TRPM2: variants seen among roughly 807,000 people sequenced by gnomAD.
TRPM2 encodes transient receptor potential cation channel subfamily M member 2.
A neutral mutation model predicts 174.0 loss-of-function variants in TRPM2; 161 were observed. The ratio of observed to expected loss-of-function variants is 0.93; its 90% CI spans 0.81 to 1.05. The LOEUF is 1.05. Among genes scored for constraint, TRPM2 ranks in the 50% least tolerant of loss-of-function variants. The pLI is 0.00. For synonymous variants in TRPM2, 954 were observed against 861.3 expected (o/e 1.11, Z -1.88); for missense variants, 2,057 against 2,038.0 (o/e 1.01, Z -0.18).
chr21:44,382,809 C>T lies in TRPM2; in HGVS notation c.1307C>T (p.Ala436Val), dbSNP rs781109743. 6.8e-6 allele frequency: 11 copies of T among 1,613,126 alleles called. No homozygotes were observed. The highest frequency in any genetic ancestry group is 9.3e-6 in the Non-Finnish European group (11 of 1,179,772). Residue 436 changes from alanine (A) to valine (V), a missense_variant, in exon 9 of 32, where the codon GCC becomes GTC. Transcript: ENST00000397928. ...QQDVDVAILQ[A>V]LLKASRSQDH... ...GACGTGGATGTGGCCATCTTGCAGG[C>T]CTTGCTGAAAGGTGAGGGTCAGGGA...
At chr21:44,407,746 G>T (rs566904160) in intron 19 of TRPM2, among the ~76,000 whole-genome samples, 2 of 151,676 alleles carry the variant, frequency 1.3e-5, no homozygotes, top group Non-Finnish European at 2.9e-5. Context: ...TTCAAGGTTT[G>T]TCACCGTGTA....
At chr21:44,378,883 C>T (rs1306933648) in intron 7 of TRPM2, 114 bp from the exon 8 acceptor site, 13 of 1,147,336 alleles carry the variant, frequency 1.1e-5, no homozygotes, top group East Asian at 2.4e-5. Flanking sequence ...CAGTGGATCT[C>T]GGAGTAGTGT....
chr21:44,437,756 C>T (rs368539722), intron 29 of TRPM2, among the ~76,000 whole-genome samples: 209 of 152,346 alleles, frequency 1.4e-3, no homozygotes, highest in African/African-American at 4.9e-3. Context: ...TGGGCCTTTC[C>T]TGTTCAAGTG....
intron 24 of TRPM2, 169 bp from the exon 25 acceptor site, chr21:44,425,501 G>T: frequency 1.4e-6 from 1 of 738,348 alleles, no homozygotes; most frequent in East Asian, 3.2e-5. Context: ...CCTCCCTGGG[G>T]GCCCTGCCCA....
At chr21:44,404,903 T>G (rs903617646) in intron 16 of TRPM2, among the ~76,000 whole-genome samples, 42 of 123,490 alleles carry the variant, frequency 3.4e-4, no homozygotes, top group African/African-American at 9.9e-4. Flanking sequence ...ACAGTGATGG[T>G]GACAGCAAGG....
Position 44,414,143 on chromosome 21 carries a change from G to T in TRPM2, c.3146+69G>T. On this transcript the variant is annotated intron_variant, in intron 20 of 31. Coordinates refer to ENST00000397928, the MANE Select transcript of TRPM2 (RefSeq NM_003307.4). ...GGCGTTCCTGGGCCGCAGTGGCCAT[G>T]CTGTCTCCAGGGTCTCGTGGACAGT... is the stretch of plus-strand genomic sequence containing the variant. 1.9e-6 allele frequency: 3 copies of T among 1,544,200 alleles called. No individual in the cohort carries two copies. The East Asian group carries it at 6.8e-5, about 35-fold the overall frequency.
chr21:44,358,594 A>G (rs1310175387), intron 2 of TRPM2, among the ~76,000 whole-genome samples: 2 of 152,206 alleles, frequency 1.3e-5, no homozygotes. Flanking sequence ...TCAAGTTCCA[A>G]TCTCATCAGA....
In TRPM2 at chr21:44,366,942, G is replaced by C. The variant is rs766227028; in HGVS notation, c.604+8G>C. 40 of 1,568,736 alleles carry C rather than the reference G, an allele frequency of 2.5e-5. No individual in the cohort carries two copies. Among genetic ancestry groups the C allele is most frequent in the Middle Eastern group, 1.7e-4 (1 of 5,824 alleles). ...AGGTGGCTCAGACCACAGGTAACTC[G>C]GAGGCTGGAGGGACACGAGGCCCCG... On this transcript the variant is annotated splice_region_variant and intron_variant, in intron 4 of 31. Transcript: ENST00000397928. The surrounding 1 kb of genome is among the most constrained non-coding windows in gnomAD (Gnocchi z 6.0).
At chr21:44,405,052 A>G (rs191536554) in intron 16 of TRPM2, 90 bp from the exon 17 acceptor site, 20 of 1,562,032 alleles carry the variant, frequency 1.3e-5, no homozygotes, top group African/African-American at 2.7e-5. Flanking sequence ...AGTGACTGTG[A>G]TGATGATAGT....
At chr21:44,423,778 C>T in intron 23 of TRPM2, 46 bp downstream of exon 23, 2 of 1,500,414 alleles carry the variant, frequency 1.3e-6, no homozygotes, top group Admixed American at 1.9e-5. Context: ...CACTGCTGGG[C>T]CTGGTGGGCG....
chr21:44,417,383 CGTGGGCGT>C (rs2050335991), intron 20 of TRPM2, among the ~76,000 whole-genome samples: 1 of 89,218 alleles, frequency 1.1e-5, no homozygotes, highest in Non-Finnish European at 2.3e-5. Context: ...ACAGTGGGCA[CGTGGGCGT>C]GGCTCTGCTC....
At chr21:44,385,770 G>A (rs997859562) in intron 9 of TRPM2, among the ~76,000 whole-genome samples, 1 of 152,176 alleles carries the variant, frequency 6.6e-6, no homozygotes, top group African/African-American at 2.4e-5. Context: ...GGGGAAGAAA[G>A]GCACTGTCTT....
At chr21:44,356,774 T>C (rs1321511932) in intron 2 of TRPM2, among the ~76,000 whole-genome samples, 1 of 152,114 alleles carries the variant, frequency 6.6e-6, no homozygotes, top group Non-Finnish European at 1.5e-5. Context: ...TTTTGGATCA[T>C]GTGCTTAACA....
At position 44,399,869 on chromosome 21, in the gene TRPM2, G is replaced by A. The variant is rs2049555785; in HGVS notation, c.2209-390G>A. Among the ~76,000 whole-genome samples, 1 of 152,188 alleles carries A rather than the reference G, an allele frequency of 6.6e-6. No homozygotes were observed. The highest frequency in any genetic ancestry group is 6.5e-5 in the Admixed American group (1 of 15,278). On this transcript the variant is annotated intron_variant, in intron 14 of 31. Transcript: ENST00000397928. This position sits in a 1 kb window ranked among gnomAD's most constrained non-coding sequence, Gnocchi z 4.6. Reference sequence around the variant, plus strand: ...CCCGGCAGGGCCTGGCTCCCAGCGAGTGCCCCTTGCACGCTGGGCTTCCTT... The same window carrying A: ...CCCGGCAGGGCCTGGCTCCCAGCGAATGCCCCTTGCACGCTGGGCTTCCTT...
rs1222458906 is a variant in TRPM2, at chr21:44,435,151, G to A, written c.3995G>A (p.Gly1332Glu). The A allele has an allele frequency of 6.2e-7, 1 of 1,613,300 alleles. No individual in the cohort carries two copies. Among genetic ancestry groups the A allele is most frequent in the East Asian group, 2.2e-5 (1 of 44,902 alleles). ...CCCAGGAACCCCATGGGCCGCACAG[G>A]ACTGCGTGGGCGCGGGAGCCTCAGC... ...GLPLNPMGRT[G>E]LRGRGSLSCF... Residue 1332 changes from glycine to glutamate, a missense_variant, in exon 28 of 32, where the codon GGA becomes GAA. Physicochemically the swap from Gly to Glu is moderately conservative, Grantham distance 98. Coordinates refer to ENST00000397928, the MANE Select transcript of TRPM2 (RefSeq NM_003307.4).
At chr21:44,408,605 C>T (rs1403786554) in intron 19 of TRPM2, among the ~76,000 whole-genome samples, 2 of 151,294 alleles carry the variant, frequency 1.3e-5, no homozygotes, top group South Asian at 2.1e-4. Context: ...CTGCTAACCT[C>T]GTCGTCTGTA....
chr21:44,433,402 T>G (rs2051104418), intron 27 of TRPM2, among the ~76,000 whole-genome samples: 1 of 152,218 alleles, frequency 6.6e-6, no homozygotes, highest in Non-Finnish European at 1.5e-5. Flanking sequence ...GACCTCTGCC[T>G]TCCTCTCCTT....
intron 12 of TRPM2, among the ~76,000 whole-genome samples, chr21:44,396,309 G>A (rs2049394252): frequency 2.7e-5 from 1 of 37,048 alleles, no homozygotes; most frequent in Non-Finnish European, 5.2e-5. Context: ...TGGAGGCTGT[G>A]GAGGGGTGTG....
At chr21:44,398,910 C>T (rs1171007055) in intron 13 of TRPM2, among the ~76,000 whole-genome samples, 5 of 152,032 alleles carry the variant, frequency 3.3e-5, no homozygotes, top group Admixed American at 1.3e-4. Context: ...GAAGGGGGTT[C>T]GTTTCGGGAA....
Sources: gnomAD v4.1 joint callset for allele counts (sites outside exome capture counted in the v4.1 genomes callset) on GRCh38, gnomAD v4.1.1 for gene constraint, Gnocchi (gnomAD v3.1) non-coding constraint, MANE v1.5 for transcripts, NCBI Gene and HGNC (gene_info 2026-07-23, HGNC 2026-07-21) for gene names.